The following FYTTD1 variants were observed in gnomAD, a reference collection of about 807,000 sequenced individuals.
FYTTD1 encodes the protein UAP56-interacting factor.
FYTTD1 carries 22 observed loss-of-function variants against 40.9 expected under a neutral mutation model. The ratio of observed to expected loss-of-function variants is 0.54; its 90% CI spans 0.38 to 0.77. The LOEUF is 0.77. Ranked by LOEUF, FYTTD1 falls within the 30% of genes least tolerant of loss-of-function variation. The pLI, the probability that FYTTD1 is intolerant of heterozygous loss-of-function variation, is 0.00. For missense variants in FYTTD1, 351 were observed against 392.2 expected (o/e 0.90, Z 0.89); for synonymous variants, 140 against 137.9 (o/e 1.01, Z -0.10).
At chr3:197,766,318 G>C (rs779883716) in intron 2 of FYTTD1, among the ~76,000 whole-genome samples, 5 of 151,988 alleles carry the variant, frequency 3.3e-5, no homozygotes, top group African/African-American at 4.8e-5. Flanking sequence ...GAAATGATTA[G>C]TATAAAGTTG....
rs1483762374 is a variant in FYTTD1 at position 197,782,860 on chromosome 3, TC to T, written c.*953del. 1 of 152,568 alleles carries T rather than the reference TC, an allele frequency of 6.6e-6. No homozygotes were observed. Among genetic ancestry groups the T allele is most frequent in the Admixed American group, 6.5e-5 (1 of 15,278 alleles). 9.5% of individuals were successfully genotyped at this position (152,568 alleles called of 1,614,324 possible). Reference sequence around the variant, plus strand: ...GATAGTAAAATTAATAGCCATAAAGTCCTAGACTTCTTATTTGAAGTTAAAA... The same window carrying T: ...GATAGTAAAATTAATAGCCATAAAGTCTAGACTTCTTATTTGAAGTTAAAA... On this transcript the variant is annotated 3_prime_UTR_variant, in exon 9 of 9. Coordinates refer to ENST00000241502, the MANE Select transcript of FYTTD1 (RefSeq NM_032288.7).
intron 2 of FYTTD1, among the ~76,000 whole-genome samples, chr3:197,764,902 G>A (rs1479556322): frequency 1.3e-5 from 2 of 151,296 alleles, no homozygotes; most frequent in Non-Finnish European, 2.9e-5. Context: ...CCAGGCTGGA[G>A]TGTGGTAGTG....
chr3:197,761,359 G>A lies in FYTTD1; in HGVS notation c.235+4802G>A, dbSNP rs190131901. Among the ~76,000 whole-genome samples the A allele has an allele frequency of 4.2e-4, 64 of 151,608 alleles. 1 individual carries two copies. The East Asian group carries it at 7.4e-3, about 18-fold the overall frequency. On this transcript the variant is annotated intron_variant, in intron 2 of 8. Coordinates refer to ENST00000241502, the MANE Select transcript of FYTTD1 (RefSeq NM_032288.7). ...ATAGCATGTTCTTCAGTGGTAGAAT[G>A]TATAGAATTGTTCTTCAGTGGTAGA... is the stretch of plus-strand genomic sequence containing the variant.
chr3:197,752,144 G>A lies in FYTTD1; in HGVS notation c.103+2070G>A, dbSNP rs545068305. ...GTCTGCCTTGGCCTCCCCTACAGGCGTGAGCCGCCGCACCCGGCCAGCATT... is the reference window on the plus strand; with the variant it reads ...GTCTGCCTTGGCCTCCCCTACAGGCATGAGCCGCCGCACCCGGCCAGCATT... On this transcript the variant is annotated intron_variant, in intron 1 of 8. Transcript: ENST00000241502. Among the ~76,000 whole-genome samples, 4 of 152,300 alleles carry A rather than the reference G, an allele frequency of 2.6e-5. No individual in the cohort carries two copies. The East Asian group carries it at 7.7e-4, about 29-fold the overall frequency.
intron 2 of FYTTD1, among the ~76,000 whole-genome samples, chr3:197,757,295 A>T (rs1290770882): frequency 2.0e-5 from 3 of 152,256 alleles, no homozygotes; most frequent in Non-Finnish European, 2.9e-5. Context: ...CTTCTTTATC[A>T]GCAATATCAG....
chr3:197,774,092 C>G, intron 5 of FYTTD1, 57 bp from the exon 6 acceptor site: 3 of 1,453,420 alleles, frequency 2.1e-6, no homozygotes, highest in South Asian at 1.1e-5. Flanking sequence ...CAGGATCGCT[C>G]TTTGGATTCA....
At chr3:197,751,534 C>T (rs1164906664) in intron 1 of FYTTD1, among the ~76,000 whole-genome samples, 1 of 152,052 alleles carries the variant, frequency 6.6e-6, no homozygotes, top group African/African-American at 2.4e-5. Context: ...GTAATCCCAG[C>T]TAAGACATGA....
chr3:197,773,379 A>T lies in FYTTD1; in HGVS notation c.498-24A>T, dbSNP rs766102962. 3 of 1,405,464 alleles carry T rather than the reference A, an allele frequency of 2.1e-6. No individual in the cohort carries two copies. In the Admixed American group the frequency reaches 5.2e-5, roughly 24 times the overall value. The allele number at this position is 1,405,464 out of a possible 1,614,324, so 87.1% of individuals were successfully genotyped here. A position where few individuals can be genotyped will look rare whatever the true frequency, so the allele number is the denominator to read the frequency against. On this transcript the variant is annotated intron_variant, in intron 4 of 8. Transcript: ENST00000241502. The stretch of plus-strand genomic sequence containing the variant: ...TTTGAAAGTAGTTAAATGGCTTAGC[A>T]TGGCCTATGTGTTTTTGTTGCAGAA...
intron 2 of FYTTD1, among the ~76,000 whole-genome samples, chr3:197,763,107 C>T (rs771207572): frequency 6.6e-6 from 1 of 151,982 alleles, no homozygotes; most frequent in Non-Finnish European, 1.5e-5. Context: ...TGGTTTTTAA[C>T]TATCTTACTA....
chr3:197,763,076 A>G (rs1288537125), intron 2 of FYTTD1, among the ~76,000 whole-genome samples: 1 of 152,164 alleles, frequency 6.6e-6, no homozygotes, highest in African/African-American at 2.4e-5. Context: ...TAATGAGTTT[A>G]TTATTATTTT....
intron 1 of FYTTD1, among the ~76,000 whole-genome samples, chr3:197,751,636 C>G (rs867053615): frequency 2.0e-5 from 3 of 149,744 alleles, no homozygotes; most frequent in Non-Finnish European, 2.9e-5. Context: ...TGTCTCCCCC[C>G]GCTCTCCCCC....
intron 4 of FYTTD1, among the ~76,000 whole-genome samples, chr3:197,770,662 A>T (rs1347982134): frequency 6.6e-6 from 1 of 151,132 alleles, no homozygotes; most frequent in Non-Finnish European, 1.5e-5. Context: ...ATCCTCCCAC[A>T]TCAGCCTCCT....
chr3:197,754,274 C>T (rs1273537966), intron 1 of FYTTD1, among the ~76,000 whole-genome samples: 1 of 152,050 alleles, frequency 6.6e-6, no homozygotes, highest in Non-Finnish European at 1.5e-5. Flanking sequence ...CTGATGTTGA[C>T]CTTTTAATTT....
At chr3:197,765,963 T>A (rs1157247796) in intron 2 of FYTTD1, among the ~76,000 whole-genome samples, 2 of 151,858 alleles carry the variant, frequency 1.3e-5, no homozygotes, top group Non-Finnish European at 2.9e-5. Flanking sequence ...ACCACTGCAC[T>A]CCAGCCTGGG....
chr3:197,764,678 C>T (rs561163427), intron 2 of FYTTD1, among the ~76,000 whole-genome samples: 86 of 146,014 alleles, frequency 5.9e-4, no homozygotes, highest in African/African-American at 2.1e-3. Flanking sequence ...CGCTACACTC[C>T]AGCCCGGGTG....
chr3:197,768,687 T>G, intron 3 of FYTTD1, 100 bp downstream of exon 3: 1 of 1,026,904 alleles, frequency 9.7e-7, no homozygotes, highest in Non-Finnish European at 1.4e-6. Context: ...TGTTTTTATG[T>G]AGTACTTTGG....
At position 197,774,818 on chromosome 3, in the gene FYTTD1, A is replaced by G. The variant is rs1729828943; in HGVS notation, c.656+608A>G. 1.3e-5 allele frequency among the ~76,000 whole-genome samples: 2 copies of G among 151,722 alleles called. 1 individual carries two copies. Among genetic ancestry groups the G allele is most frequent in the South Asian group, 4.2e-4 (2 of 4,814 alleles). ...AGCAGCATAGCTCGATCGCCAGTGC[A>G]TACCATCCTGAGCAGCATAGCTCGA... On this transcript the variant is annotated intron_variant, in intron 6 of 8. Coordinates refer to ENST00000241502, the MANE Select transcript of FYTTD1 (RefSeq NM_032288.7).
intron 2 of FYTTD1, among the ~76,000 whole-genome samples, chr3:197,764,600 T>C (rs1174677152): frequency 6.6e-6 from 1 of 150,864 alleles, no homozygotes; most frequent in Non-Finnish European, 1.5e-5. Context: ...TCCCAGCTAC[T>C]CAGGAGGCTG....
chr3:197,762,523 A>G (rs1418980872), intron 2 of FYTTD1, among the ~76,000 whole-genome samples: 1 of 151,010 alleles, frequency 6.6e-6, no homozygotes, highest in Non-Finnish European at 1.5e-5. Context: ...TGGGAGGTGG[A>G]GATTGTAGTG....
Sources: gnomAD v4.1 joint callset for allele counts (sites outside exome capture counted in the v4.1 genomes callset) on GRCh38, gnomAD v4.1.1 for gene constraint, MANE v1.5 for transcripts, NCBI Gene and HGNC (gene_info 2026-07-23, HGNC 2026-07-21) for gene names.